SV2C: variants seen among roughly 807,000 people sequenced by gnomAD.
SV2C encodes the protein synaptic vesicle glycoprotein 2C.
A neutral mutation model predicts 79.7 loss-of-function variants in SV2C; 49 were observed. That is an observed-to-expected ratio of 0.61 (90% CI 0.49 to 0.78). The LOEUF is 0.78. Ranked by LOEUF, SV2C falls within the 30% of genes least tolerant of loss-of-function variation. The pLI, the probability that SV2C is intolerant of heterozygous loss-of-function variation, is 0.00. For missense variants in SV2C, 833 were observed against 912.9 expected, an observed-to-expected ratio of 0.91 and a Z score of 1.13; for synonymous variants, 334 against 333.2, an observed-to-expected ratio of 1.00 and a Z score of -0.03.
At chr5:76,105,283 G>A (rs1047753077) in intron 1 of SV2C, among the ~76,000 whole-genome samples, 2 of 152,094 alleles carry the variant, frequency 1.3e-5, no homozygotes, top group Admixed American at 1.3e-4. Context: ...TTGATTTCAG[G>A]CTTCTAGCTT....
chr5:76,204,098 A>G (rs1335253126), intron 3 of SV2C, among the ~76,000 whole-genome samples: 1 of 152,188 alleles, frequency 6.6e-6, no homozygotes, highest in Non-Finnish European at 1.5e-5. Context: ...AAGGTCTGTG[A>G]TACTCTATTT....
chr5:75,947,382 C>G, the SV2C span, among the ~76,000 whole-genome samples: 13 of 152,100 alleles, frequency 8.5e-5, no homozygotes, highest in East Asian at 2.5e-3. Context: ...CTTCATTCAG[C>G]ACACTCTCCC....
chr5:76,219,238 T>A (rs568361796), intron 4 of SV2C, among the ~76,000 whole-genome samples: 8 of 152,308 alleles, frequency 5.3e-5, no homozygotes, highest in African/African-American at 1.9e-4. Flanking sequence ...CAGAGGGAAG[T>A]GATTTGGTAC....
the SV2C span, among the ~76,000 whole-genome samples, chr5:75,925,271 C>T: frequency 6.6e-6 from 1 of 152,184 alleles, no homozygotes; most frequent in Non-Finnish European, 1.5e-5. Flanking sequence ...CACTTGAGCA[C>T]CTCTGACCCC....
At chr5:76,212,539 G>C (rs890920518) in intron 4 of SV2C, among the ~76,000 whole-genome samples, 2 of 151,158 alleles carry the variant, frequency 1.3e-5, no homozygotes, top group Non-Finnish European at 2.9e-5. Context: ...CCTCTGATGA[G>C]AGCCTTGCTC....
At chr5:76,190,691 T>C (rs574057320) in intron 2 of SV2C, among the ~76,000 whole-genome samples, 5 of 152,194 alleles carry the variant, frequency 3.3e-5, no homozygotes, top group Non-Finnish European at 7.3e-5. Flanking sequence ...TGGGCCTCTA[T>C]TGTAGACACA....
chr5:75,927,485 C>T, the SV2C span, among the ~76,000 whole-genome samples: 72 of 151,102 alleles, frequency 4.8e-4, no homozygotes, highest in South Asian at 2.1e-4. Flanking sequence ...GTGATTGCTA[C>T]GGGATGGGGG....
intron 1 of SV2C, among the ~76,000 whole-genome samples, chr5:76,109,705 C>T (rs1748038937): frequency 6.6e-6 from 1 of 152,064 alleles, no homozygotes; most frequent in Admixed American, 6.5e-5. Flanking sequence ...CCCCTACAAG[C>T]CGAGGAATGC....
At chr5:76,004,778 A>G in the SV2C span, among the ~76,000 whole-genome samples, 14 of 152,326 alleles carry the variant, frequency 9.2e-5, no homozygotes, top group South Asian at 2.9e-3. Context: ...TTTATACATT[A>G]GGAAACAAGT....
the SV2C span, among the ~76,000 whole-genome samples, chr5:76,003,347 T>G: frequency 3.3e-5 from 5 of 152,222 alleles, no homozygotes; most frequent in East Asian, 9.7e-4. Context: ...AATATATTGT[T>G]TACATATGAC....
At chr5:76,044,231 G>A in the SV2C span, among the ~76,000 whole-genome samples, 7 of 152,216 alleles carry the variant, frequency 4.6e-5, no homozygotes, top group African/African-American at 1.7e-4. Context: ...CCCTGCAAAG[G>A]ACATTATATC....
the SV2C span, among the ~76,000 whole-genome samples, chr5:75,950,482 A>G: frequency 2.0e-5 from 3 of 152,064 alleles, no homozygotes; most frequent in Non-Finnish European, 2.9e-5. Context: ...GAAAACTTCT[A>G]TATCCAAAAG....
chr5:76,168,096 C>T (rs895214225), intron 2 of SV2C, among the ~76,000 whole-genome samples: 3 of 152,110 alleles, frequency 2.0e-5, no homozygotes, highest in African/African-American at 7.2e-5. Flanking sequence ...TCCAATCACC[C>T]TCAGGCTTCT....
chr5:76,173,179 T>A (rs1382707175), intron 2 of SV2C, among the ~76,000 whole-genome samples: 1 of 149,410 alleles, frequency 6.7e-6, no homozygotes, highest in Admixed American at 6.7e-5. Flanking sequence ...GCTACAAGTA[T>A]CAAAGAAGCG....
At chr5:75,848,662 T>A in the SV2C span, among the ~76,000 whole-genome samples, 31 of 152,230 alleles carry the variant, frequency 2.0e-4, no homozygotes, top group African/African-American at 7.5e-4. Flanking sequence ...CATACCTGTG[T>A]GGGTCAGCCT....
chr5:76,192,811 C>T (rs933325741), intron 2 of SV2C, among the ~76,000 whole-genome samples: 2 of 152,102 alleles, frequency 1.3e-5, no homozygotes, highest in Non-Finnish European at 2.9e-5. Context: ...AAGATTACTA[C>T]CTTTAGATCT....
chr5:76,122,055 G>C (rs1486450751), intron 1 of SV2C, among the ~76,000 whole-genome samples: 1 of 151,948 alleles, frequency 6.6e-6, no homozygotes, highest in South Asian at 2.1e-4. Context: ...TTGAGCAGTG[G>C]TTTGTAGTTC....
the SV2C span, among the ~76,000 whole-genome samples, chr5:76,042,618 G>C: frequency 1.3e-5 from 2 of 152,136 alleles, no homozygotes; most frequent in African/African-American, 4.8e-5. Flanking sequence ...TCTTGTTTCT[G>C]CCAAGTAATT....
intron 6 of SV2C, among the ~76,000 whole-genome samples, chr5:76,286,552 A>G (rs1174523573): frequency 6.6e-6 from 1 of 152,246 alleles, no homozygotes; most frequent in Non-Finnish European, 1.5e-5. Flanking sequence ...CCAGTATCTA[A>G]TAAGTGAGAA....
Sources: gnomAD v4.1 joint callset for allele counts (sites outside exome capture counted in the v4.1 genomes callset) on GRCh38, gnomAD v4.1.1 for gene constraint, MANE v1.5 for transcripts, NCBI Gene and HGNC (gene_info 2026-07-23, HGNC 2026-07-21) for gene names.